COG5: variants seen among roughly 807,000 people sequenced by gnomAD.
The protein encoded by COG5 is component of oligomeric golgi complex 5.
COG5 carries 86 observed loss-of-function variants against 110.4 expected under a neutral mutation model. That is an observed-to-expected ratio of 0.78 (90% CI 0.65 to 0.93). The LOEUF (loss-of-function observed/expected upper bound fraction) is 0.93. Ranked by LOEUF, COG5 falls within the 40% of genes least tolerant of loss-of-function variation. COG5 has a pLI of 0.00. For missense variants in COG5, 1,077 were observed against 987.0 expected, an observed-to-expected ratio of 1.09 and a Z score of -1.22; for synonymous variants, 360 against 334.6, an observed-to-expected ratio of 1.08 and a Z score of -0.83.
In COG5 at chr7:107,507,541, T is replaced by G. The variant is rs1799119202; in HGVS notation, c.538+19696A>C. Among the ~76,000 whole-genome samples the G allele has an allele frequency of 2.7e-5, 4 of 149,710 alleles. No homozygotes were observed. The South Asian group carries it at 8.6e-4, about 32-fold the overall frequency. On this transcript the variant is annotated intron_variant, in intron 6 of 21. Transcript: ENST00000297135. ...CCACGATGGTCTTGATCTCCAGACCTCGTGATCCACCCGCCTCAGCCTCCC... is the reference window on the plus strand; with the variant it reads ...CCACGATGGTCTTGATCTCCAGACCGCGTGATCCACCCGCCTCAGCCTCCC...
At chr7:107,509,340 T>A (rs1413414709) in intron 6 of COG5, among the ~76,000 whole-genome samples, 2 of 151,824 alleles carry the variant, frequency 1.3e-5, no homozygotes, top group Non-Finnish European at 1.5e-5. Context: ...GAAGGGAAGT[T>A]TAGAGAAAAA....
At position 107,339,185 on chromosome 7, in the gene COG5, C is replaced by T. The variant is rs552497546; in HGVS notation, c.1027-14664G>A. Among the ~76,000 whole-genome samples, 5 of 152,038 alleles carry T rather than the reference C, an allele frequency of 3.3e-5. No individual in the cohort carries two copies. In the South Asian group the frequency reaches 1.0e-3, roughly 32 times the overall value. On this transcript the variant is annotated intron_variant, in intron 10 of 21. Transcript: ENST00000297135. ...TCAAAGTAAAGGGTTGGAGAAAGAT[C>T]ACACAAATGGAAAATAAAAAAGAGC...
Position 107,474,210 on chromosome 7 carries a change from A to G in COG5, c.538+53027T>C. ...TGTCTCTCACCGGATTTCTTATGTT[A>G]GAAATTGTGTTGGGACTTGGCAGCA... On this transcript the variant is annotated intron_variant, in intron 6 of 21. Transcript: ENST00000297135. This position sits in a 1 kb window ranked among gnomAD's most constrained non-coding sequence, Gnocchi z 5.7. 6.2e-7 allele frequency: 1 copy of G among 1,613,266 alleles called. No homozygotes were observed. Among genetic ancestry groups the G allele is most frequent in the Non-Finnish European group, 8.5e-7 (1 of 1,179,382 alleles).
intron 12 of COG5, among the ~76,000 whole-genome samples, chr7:107,297,561 GC>G (rs1216609599): frequency 6.9e-6 from 1 of 145,632 alleles, no homozygotes; most frequent in Non-Finnish European, 1.5e-5. Flanking sequence ...CGACTCTCCT[GC>G]CTCAGTCTCC....
At chr7:107,236,341 T>C (rs1801189653) in intron 18 of COG5, 109 bp downstream of exon 18, 4 of 853,574 alleles carry the variant, frequency 4.7e-6, no homozygotes, top group Non-Finnish European at 2.0e-6. Flanking sequence ...GGGCTTACTT[T>C]TCTTTGTGCT....
chr7:107,457,224 C>T (rs757929541), intron 6 of COG5, among the ~76,000 whole-genome samples: 1 of 147,822 alleles, frequency 6.8e-6, no homozygotes, highest in South Asian at 2.1e-4. Context: ...ACTTTCCAGG[C>T]TGAAAAACAC....
rs538609516 is a variant in COG5 at position 107,420,086 on chromosome 7, T to C, written c.539-7454A>G. On this transcript the variant is annotated intron_variant, in intron 6 of 21. Transcript: ENST00000297135. The stretch of plus-strand genomic sequence containing the variant: ...TAAAAGTTATTTCTTACAAAAATTT[T>C]AGAGAAAACAGGTACATCTTTTCAG... 4.5e-4 allele frequency among the ~76,000 whole-genome samples: 69 copies of C among 152,348 alleles called. 1 individual carries two copies. The South Asian group carries it at 5.4e-3, about 12-fold the overall frequency.
At chr7:107,262,754 A>C (rs1250209496) in intron 14 of COG5, among the ~76,000 whole-genome samples, 1 of 152,010 alleles carries the variant, frequency 6.6e-6, no homozygotes, top group Non-Finnish European at 1.5e-5. Flanking sequence ...ACTTTGCTGT[A>C]TATTTCCCTG....
intron 6 of COG5, among the ~76,000 whole-genome samples, chr7:107,429,220 G>A (rs1793851393): frequency 6.6e-6 from 1 of 152,062 alleles, no homozygotes. Context: ...TCCTTCAAAG[G>A]AACTAAATAA....
chr7:107,537,063 T>C (rs1157810920), intron 5 of COG5, among the ~76,000 whole-genome samples: 2 of 152,208 alleles, frequency 1.3e-5, no homozygotes, highest in East Asian at 3.8e-4. Flanking sequence ...CTGGGAAAAC[T>C]GGCTAGCTGT....
At chr7:107,215,652 G>T (rs1006625862) in intron 19 of COG5, among the ~76,000 whole-genome samples, 2 of 151,984 alleles carry the variant, frequency 1.3e-5, no homozygotes, top group African/African-American at 4.8e-5. Context: ...GTGACAGAGT[G>T]AGACTCCGTC....
At chr7:107,533,859 AATC>A (rs2129162628) in intron 5 of COG5, among the ~76,000 whole-genome samples, 1 of 151,690 alleles carries the variant, frequency 6.6e-6, no homozygotes, top group South Asian at 2.1e-4. Context: ...CAAGACAGAT[AATC>A]ATCAGATTCA....
At chr7:107,255,176 C>G (rs1802791368) in intron 16 of COG5, among the ~76,000 whole-genome samples, 1 of 152,052 alleles carries the variant, frequency 6.6e-6, no homozygotes, top group African/African-American at 2.4e-5. Flanking sequence ...AGTATCCATT[C>G]CCGGTCTGGA....
intron 7 of COG5, among the ~76,000 whole-genome samples, chr7:107,406,330 T>C (rs2129063278): frequency 6.6e-6 from 1 of 152,330 alleles, no homozygotes; most frequent in South Asian, 2.1e-4. Flanking sequence ...TTTATACTTT[T>C]GTCTTTTTAA....
At chr7:107,314,449 T>G (rs1213124245) in intron 11 of COG5, among the ~76,000 whole-genome samples, 2 of 151,958 alleles carry the variant, frequency 1.3e-5, no homozygotes, top group South Asian at 4.2e-4. Context: ...TTTTAAAAGA[T>G]TAATGGAAGT....
chr7:107,499,998 T>C (rs1431541559), intron 6 of COG5, among the ~76,000 whole-genome samples: 1 of 152,114 alleles, frequency 6.6e-6, no homozygotes, highest in African/African-American at 2.4e-5. Context: ...ATTTAAGCAC[T>C]GGAGCAATTA....
Position 107,441,111 on chromosome 7 carries a change from C to T in COG5, c.539-28479G>A, listed in dbSNP as rs547042364. On this transcript the variant is annotated intron_variant, in intron 6 of 21. Coordinates refer to ENST00000297135, the MANE Select transcript of COG5 (RefSeq NM_006348.5). ...TACTAAAAATACAAAAAAAATTAGC[C>T]GGGCATGGTGGCGGGAGCCTGTAAT... Among the ~76,000 whole-genome samples the T allele has an allele frequency of 9.2e-5, 14 of 151,808 alleles. No individual in the cohort carries two copies. In the South Asian group the frequency reaches 2.3e-3, roughly 25 times the overall value.
At position 107,202,857 on chromosome 7, in the gene COG5, G is replaced by A. The variant is rs1319800189; in HGVS notation, c.*659C>T. 1 of 151,866 alleles carries A rather than the reference G, an allele frequency of 6.6e-6. No homozygotes were observed. Among genetic ancestry groups the A allele is most frequent in the African/African-American group, 2.4e-5 (1 of 41,180 alleles). The allele number at this position is 151,866 out of a possible 1,614,324, so 9.4% of individuals were successfully genotyped here. ...CATGACAAAGTGTAACAAAAGCCTT[G>A]CTTTATTTAAAGATCCAGTATGACA... On this transcript the variant is annotated 3_prime_UTR_variant, in exon 22 of 22. Transcript: ENST00000297135.
At chr7:107,293,163 CA>C (rs1474453914) in intron 12 of COG5, among the ~76,000 whole-genome samples, 1 of 152,130 alleles carries the variant, frequency 6.6e-6, no homozygotes, top group Non-Finnish European at 1.5e-5. Flanking sequence ...ATCACTATTT[CA>C]AAAGCCCAGG....
Sources: allele counts gnomAD v4.1 joint callset (sites outside exome capture counted in the v4.1 genomes callset), GRCh38; gene constraint gnomAD v4.1.1; non-coding constraint Gnocchi (gnomAD v3.1); transcripts MANE v1.5; gene names NCBI Gene and HGNC (gene_info 2026-07-23, HGNC 2026-07-21).